Variants in HOXA5 observed in about 807,000 individuals in gnomAD.
HOXA5 encodes homeobox protein Hox-A5.
In HOXA5, 12 loss-of-function variants were observed where a neutral mutation model predicts 20.0. That is an observed-to-expected ratio of 0.60 (90% CI 0.38 to 0.97). The LOEUF is 0.97. Among genes scored for constraint, HOXA5 ranks in the 50% least tolerant of loss-of-function variants. The probability of loss-of-function intolerance (pLI) is 0.00; values close to 1 mark genes in which losing one functional copy is unlikely to be tolerated. For synonymous variants in HOXA5, 159 were observed against 157.7 expected, an observed-to-expected ratio of 1.01 and a Z score of -0.06; for missense variants, 352 against 380.3, an observed-to-expected ratio of 0.93 and a Z score of 0.62.
intron 1 of HOXA5, 64 bp from the exon 2 acceptor site, chr7:27,142,149 A>G: frequency 1.3e-6 from 2 of 1,561,064 alleles, no homozygotes; most frequent in Middle Eastern, 1.7e-4. Flanking sequence ...CCAGGGGGAC[A>G]AGCTTGGGTC....
At position 27,142,055 on chromosome 7, in the gene HOXA5, G is replaced by A; in HGVS notation, c.593C>T (p.Ala198Val). Reference sequence around the variant, plus strand: ...CTGGTAGCGCGTGTAGGCCGTCCGGGCCCTTTTGCCTTCCGGGCCGCCTAT... The same window carrying A: ...CTGGTAGCGCGTGTAGGCCGTCCGGACCCTTTTGCCTTCCGGGCCGCCTAT... ...DNIGGPEGKR[A>V]RTAYTRYQTL... The change falls in exon 2 of 2, where the codon GCC becomes GTC. Residue 198 changes from alanine to valine, a missense_variant. Around this residue, in one of 3 missense-constraint regions of HOXA5, gnomAD observed 319 missense variants for 336.5 expected, o/e 0.95. Transcript: ENST00000222726. 1 of 1,614,056 alleles carries A rather than the reference G, an allele frequency of 6.2e-7. No individual in the cohort carries two copies. The highest frequency in any genetic ancestry group is 1.6e-4 in the Middle Eastern group (1 of 6,062).
At chr7:27,142,995 C>G (rs747387275) in intron 1 of HOXA5, 51 bp downstream of exon 1, 6 of 1,450,058 alleles carry the variant, frequency 4.1e-6, no homozygotes, top group Non-Finnish European at 4.6e-6. Flanking sequence ...GAGGGGGGAC[C>G]GAGAGCCGCG....
chr7:27,143,389 G>C lies in HOXA5; in HGVS notation c.219C>G (p.Tyr73Ter). 6.2e-7 allele frequency: 1 copy of C among 1,602,650 alleles called. No individual in the cohort carries two copies. The change falls in exon 1 of 2, where the codon TAC becomes TAG. Residue 73 changes from tyrosine (Y) to a stop codon, truncating the protein, a stop_gained. Coordinates refer to ENST00000222726, the MANE Select transcript of HOXA5 (RefSeq NM_019102.4). LOFTEE classifies it high-confidence loss of function. ...CGGGCGCCGCGCTGGCGCTGGCAGCGTAGCTGCGGGCGCGCTCTCCGGAGC... is the reference window on the plus strand; with the variant it reads ...CGGGCGCCGCGCTGGCGCTGGCAGCCTAGCTGCGGGCGCGCTCTCCGGAGC... ...HFGSGERARS[Y>*]AASASAAPAE...
Position 27,143,028 on chromosome 7 carries a change from G to C in HOXA5, c.562+18C>G. ...GCGTCCCCGCGGTCGCGTGGATTTA[G>C]AAAAAGGCTGGCTTTACCATGACTT... On this transcript the variant is annotated intron_variant, in intron 1 of 1. Transcript: ENST00000222726. 6.7e-7 allele frequency: 1 copy of C among 1,498,858 alleles called. No homozygotes were observed. The highest frequency in any genetic ancestry group is 8.9e-7 in the Non-Finnish European group (1 of 1,128,208). 92.8% of individuals were successfully genotyped at this position (1,498,858 alleles called of 1,614,324 possible).
At chr7:27,142,186 TCAA>T in intron 1 of HOXA5, 101 bp from the exon 2 acceptor site, 1 of 1,337,514 alleles carries the variant, frequency 7.5e-7, no homozygotes, top group Middle Eastern at 1.9e-4. Context: ...GGCGAAAAGC[TCAA>T]CAAGTTCTGC....
At position 27,141,463 on chromosome 7, in the gene HOXA5, AAAC is replaced by A. The variant is rs1479694668; in HGVS notation, c.*369_*371del. The A allele has an allele frequency of 4.9e-6, 1 of 204,128 alleles. No homozygotes were observed. Among genetic ancestry groups the A allele is most frequent in the African/African-American group, 2.4e-5 (1 of 42,422 alleles). The allele number at this position is 204,128 out of a possible 1,614,324, so 12.6% of individuals were successfully genotyped here. A position where few individuals can be genotyped will look rare whatever the true frequency, so the allele number is the denominator to read the frequency against. ...AACACTTCCACGCACATGCACAGTT[AAAC>A]AACTTGAGTGCAACACACAACATTG... On this transcript the variant is annotated 3_prime_UTR_variant, in exon 2 of 2. Transcript: ENST00000222726.
In HOXA5 at chr7:27,141,509, AG is replaced by A. The variant is rs1299364298; in HGVS notation, c.*325del. 1 of 236,678 alleles carries A rather than the reference AG, an allele frequency of 4.2e-6. No individual in the cohort carries two copies. Among genetic ancestry groups the A allele is most frequent in the African/African-American group, 2.4e-5 (1 of 42,484 alleles). The allele number at this position is 236,678 out of a possible 1,614,324, so 14.7% of individuals were successfully genotyped here. ...CAACATTGGCACTAAACGAGATTGA[AG>A]GGGGACTTTTTGTGTGTTTTTTTTT... On this transcript the variant is annotated 3_prime_UTR_variant, in exon 2 of 2. Coordinates refer to ENST00000222726, the MANE Select transcript of HOXA5 (RefSeq NM_019102.4).
intron 1 of HOXA5, 166 bp downstream of exon 1, chr7:27,142,880 G>C (rs1205087784): frequency 6.3e-6 from 4 of 637,648 alleles, no homozygotes; most frequent in Admixed American, 3.2e-5. Context: ...TGCTCGCAAA[G>C]AAGAGGAGGA....
chr7:27,142,944 A>C (rs879631497), intron 1 of HOXA5, 102 bp downstream of exon 1: 3 of 1,115,492 alleles, frequency 2.7e-6, no homozygotes, highest in Non-Finnish European at 3.8e-6. Flanking sequence ...GGGCTGGGAG[A>C]AATGAGACCA....
intron 1 of HOXA5, 74 bp downstream of exon 1, chr7:27,142,972 G>T: frequency 7.5e-7 from 1 of 1,328,630 alleles, no homozygotes; most frequent in Non-Finnish European, 1.0e-6. Flanking sequence ...CTGGGAGAGG[G>T]CGGCAGAGAA....
chr7:27,141,451 A>G lies in HOXA5; in HGVS notation c.*384T>C, dbSNP rs1390957672. 1 of 198,726 alleles carries G rather than the reference A, an allele frequency of 5.0e-6. No individual in the cohort carries two copies. Among genetic ancestry groups the G allele is most frequent in the Non-Finnish European group, 1.0e-5 (1 of 96,960 alleles). The allele number at this position is 198,726 out of a possible 1,614,324, so 12.3% of individuals were successfully genotyped here. A position where few individuals can be genotyped will look rare whatever the true frequency, so the allele number is the denominator to read the frequency against. Reference sequence around the variant, plus strand: ...TATTGAGACAGGAACACTTCCACGCACATGCACAGTTAAACAACTTGAGTG... The same window carrying G: ...TATTGAGACAGGAACACTTCCACGCGCATGCACAGTTAAACAACTTGAGTG... On this transcript the variant is annotated 3_prime_UTR_variant, in exon 2 of 2. Transcript: ENST00000222726.
rs1782578783 is a variant in HOXA5 at position 27,141,830 on chromosome 7, G to C, written c.*5C>G. 1 of 1,613,516 alleles carries C rather than the reference G, an allele frequency of 6.2e-7. No individual in the cohort carries two copies. On this transcript the variant is annotated 3_prime_UTR_variant, in exon 2 of 2. Coordinates refer to ENST00000222726, the MANE Select transcript of HOXA5 (RefSeq NM_019102.4). ...TACTGCTCAGTACTTTAAACGCTCA[G>C]ATACTCAGGGACGGAAGGCCCCTCC...
intron 1 of HOXA5, 186 bp downstream of exon 1, chr7:27,142,860 G>T: frequency 1.8e-6 from 1 of 569,026 alleles, no homozygotes; most frequent in Non-Finnish European, 3.0e-6. Context: ...CACTATTTGT[G>T]AGCGCAGGGT....
rs1253863964 is a variant in HOXA5, at chr7:27,143,213, G to C, written c.395C>G (p.Ala132Gly). The change falls in exon 1 of 2, where the codon GCC becomes GGC. Residue 132 changes from alanine to glycine, a missense_variant. Physicochemically the swap from Ala to Gly is moderately conservative, Grantham distance 60. Transcript: ENST00000222726. ...LSNSSGASAD[A>G]GSTHISSREG... ...TCTGCTGCTGATGTGGGTGCTGCCGGCGTCGGCCGAGGCGCCGCTGGAGTT... is the reference window on the plus strand; with the variant it reads ...TCTGCTGCTGATGTGGGTGCTGCCGCCGTCGGCCGAGGCGCCGCTGGAGTT... The C allele has an allele frequency of 1.9e-6, 3 of 1,610,502 alleles. No individual in the cohort carries two copies. The African/African-American group carries it at 4.0e-5, about 22-fold the overall frequency.
Position 27,141,773 on chromosome 7 carries a change from C to T in HOXA5, c.*62G>A, listed in dbSNP as rs1782575900. ...AACACAAGGGAGTTTCAGAAAGTCA[C>T]CTTAGTACTGACACTACGCGGGATC... On this transcript the variant is annotated 3_prime_UTR_variant, in exon 2 of 2. Coordinates refer to ENST00000222726, the MANE Select transcript of HOXA5 (RefSeq NM_019102.4). 1.3e-6 allele frequency: 2 copies of T among 1,575,278 alleles called. No individual in the cohort carries two copies. Among genetic ancestry groups the T allele is most frequent in the East Asian group, 4.5e-5 (2 of 44,590 alleles).
Position 27,141,585 on chromosome 7 carries a change from TATAA to T in HOXA5, c.*246_*249del, listed in dbSNP as rs1782571104. On this transcript the variant is annotated 3_prime_UTR_variant, in exon 2 of 2. Coordinates refer to ENST00000222726, the MANE Select transcript of HOXA5 (RefSeq NM_019102.4). ...ACTTCAAGTAACACAGCTTGCTTCA[TATAA>T]ATAAGTTAAAACATCTATTTTTTTT... 1 of 375,242 alleles carries T rather than the reference TATAA, an allele frequency of 2.7e-6. No homozygotes were observed. Among genetic ancestry groups the T allele is most frequent in the Non-Finnish European group, 4.8e-6 (1 of 209,412 alleles). The allele number at this position is 375,242 out of a possible 1,614,324, so 23.2% of individuals were successfully genotyped here.
chr7:27,141,789 A>G lies in HOXA5; in HGVS notation c.*46T>C, dbSNP rs535561992. ...AGAAAGTCACCTTAGTACTGACACT[A>G]CGCGGGATCCGCTAATACTGCTCAG... On this transcript the variant is annotated 3_prime_UTR_variant, in exon 2 of 2. Transcript: ENST00000222726. 1.9e-6 allele frequency: 3 copies of G among 1,597,038 alleles called. No individual in the cohort carries two copies. The highest frequency in any genetic ancestry group is 2.3e-5 in the South Asian group (2 of 87,938).
chr7:27,143,191 G>C lies in HOXA5; in HGVS notation c.417C>G (p.Ser139Arg), dbSNP rs749344683. The change falls in exon 1 of 2, where the codon AGC (serine) becomes AGG (arginine). Residue 139 changes from serine (S) to arginine (R), a missense_variant. Physicochemically the swap from Ser to Arg is moderately radical, Grantham distance 110. Coordinates refer to ENST00000222726, the MANE Select transcript of HOXA5 (RefSeq NM_019102.4). ...CGGACGCCGTGCCAACCCCCTCTCT[G>C]CTGCTGATGTGGGTGCTGCCGGCGT... is the stretch of plus-strand genomic sequence containing the variant. Reference protein sequence around the residue: ...SADAGSTHISSREGVGTASGA... With the variant: ...SADAGSTHISRREGVGTASGA... 2.5e-6 allele frequency: 4 copies of C among 1,611,386 alleles called. No homozygotes were observed. Among genetic ancestry groups the C allele is most frequent in the East Asian group, 4.5e-5 (2 of 44,846 alleles).
intron 1 of HOXA5, 69 bp from the exon 2 acceptor site, chr7:27,142,154 T>C (rs1782594458): frequency 6.4e-7 from 1 of 1,550,870 alleles, no homozygotes; most frequent in Non-Finnish European, 8.7e-7. Flanking sequence ...GGGACAAGCT[T>C]GGGTCATGAG....
Sources: allele counts gnomAD v4.1 joint callset, GRCh38; gene constraint gnomAD v4.1.1; regional missense constraint gnomAD v4.1.1; transcripts MANE v1.5; gene names NCBI Gene and HGNC (gene_info 2026-07-23, HGNC 2026-07-21).